ARHGEF10L: variants seen among roughly 807,000 people sequenced by gnomAD.
ARHGEF10L encodes Rho guanine nucleotide exchange factor 10 like.
Under a neutral mutation model 141.2 loss-of-function variants are expected in ARHGEF10L, and 69 were observed. The observed-to-expected ratio is 0.49, with a 90% CI of 0.40 to 0.60. The LOEUF (loss-of-function observed/expected upper bound fraction) is 0.60. Among genes scored for constraint, ARHGEF10L ranks in the 20% least tolerant of loss-of-function variants. The pLI is 0.00. For synonymous variants in ARHGEF10L, 711 were observed against 718.5 expected, an observed-to-expected ratio of 0.99 and a Z score of 0.17; for missense variants, 1,482 against 1,734.3, an observed-to-expected ratio of 0.85 and a Z score of 2.58.
At position 17,639,921 on chromosome 1, in the gene ARHGEF10L, G is replaced by A. The variant is rs1281196225; in HGVS notation, c.2172-281G>A. 5 of 1,459,872 alleles carry A rather than the reference G, an allele frequency of 3.4e-6. No individual in the cohort carries two copies. In the South Asian group the frequency reaches 4.9e-5, roughly 14 times the overall value. 90.4% of individuals were successfully genotyped at this position (1,459,872 alleles called of 1,614,324 possible). On this transcript the variant is annotated intron_variant, in intron 20 of 28. Transcript: ENST00000361221. This position sits in a 1 kb window ranked among gnomAD's most constrained non-coding sequence, Gnocchi z 4.3. ...GTCACAGCCTGCAGAGGCTCTGCCG[G>A]GCACAAAGCCAGAGGCTCCTGGAGC...
chr1:17,674,925 A>G (rs1051916296), intron 26 of ARHGEF10L, among the ~76,000 whole-genome samples: 1 of 152,136 alleles, frequency 6.6e-6, no homozygotes, highest in Non-Finnish European at 1.5e-5. Context: ...AGATCTGTGT[A>G]AGGTCACTCT....
chr1:17,637,850 C>T, intron 18 of ARHGEF10L, 38 bp from the exon 19 acceptor site: 2 of 1,535,670 alleles, frequency 1.3e-6, no homozygotes, highest in Non-Finnish European at 1.8e-6. Context: ...CTTGTTAGCG[C>T]CTTCACCTGT....
At chr1:17,626,429 C>A (rs998275444) in intron 14 of ARHGEF10L, among the ~76,000 whole-genome samples, 1 of 152,010 alleles carries the variant, frequency 6.6e-6, no homozygotes, top group Non-Finnish European at 1.5e-5. Flanking sequence ...GGACATTAGC[C>A]CCACACAGGG....
chr1:17,595,423 G>A (rs974369769), intron 4 of ARHGEF10L, among the ~76,000 whole-genome samples: 1 of 152,084 alleles, frequency 6.6e-6, no homozygotes, highest in Non-Finnish European at 1.5e-5. Context: ...GGAGGCCAGA[G>A]GCTGGGCTTT....
the ARHGEF10L span, among the ~76,000 whole-genome samples, chr1:17,514,707 C>T: frequency 5.3e-5 from 8 of 152,182 alleles, no homozygotes; most frequent in Non-Finnish European, 1.0e-4. Context: ...TTTCATTTTG[C>T]CTTACCTATA....
chr1:17,669,430 C>T (rs567500094), intron 26 of ARHGEF10L, among the ~76,000 whole-genome samples: 1 of 152,304 alleles, frequency 6.6e-6, no homozygotes, highest in Admixed American at 6.5e-5. Context: ...TCAAATCACG[C>T]TTTGAGATGA....
upstream of ARHGEF10L, among the ~76,000 whole-genome samples, chr1:17,535,286 G>A (rs1038543682): frequency 2.0e-5 from 3 of 152,206 alleles, no homozygotes; most frequent in Non-Finnish European, 4.4e-5. Context: ...GATCTGATAG[G>A]AAGCAGAGCT....
At chr1:17,695,899 AAAG>A (rs1378034007) in intron 28 of ARHGEF10L, among the ~76,000 whole-genome samples, 1 of 152,098 alleles carries the variant, frequency 6.6e-6, no homozygotes, top group Non-Finnish European at 1.5e-5. Context: ...TCCTTCTGAT[AAAG>A]AAGAATTGCT....
rs551115042 is a variant in ARHGEF10L, at chr1:17,667,468, C to T, written c.3009+2873C>T. Among the ~76,000 whole-genome samples, 19 of 152,260 alleles carry T rather than the reference C, an allele frequency of 1.2e-4. No individual in the cohort carries two copies. The East Asian group carries it at 2.7e-3, about 22-fold the overall frequency. ...AGTGGGGCCCGAGACAGGAAGAAGC[C>T]GAGAACAGAGAAAGAATGGGATGGG... On this transcript the variant is annotated intron_variant, in intron 26 of 28. Coordinates refer to ENST00000361221, the MANE Select transcript of ARHGEF10L (RefSeq NM_018125.4).
intron 26 of ARHGEF10L, among the ~76,000 whole-genome samples, chr1:17,676,330 C>T (rs750479564): frequency 2.0e-4 from 7 of 35,042 alleles, no homozygotes; most frequent in Non-Finnish European, 3.4e-4. Context: ...TGTATGTTCA[C>T]GTGTGGGTGC....
chr1:17,587,235 CCCTT>C (rs1273631111), intron 2 of ARHGEF10L, among the ~76,000 whole-genome samples: 1 of 152,186 alleles, frequency 6.6e-6, no homozygotes, highest in Non-Finnish European at 1.5e-5. Flanking sequence ...GGAGCACACT[CCCTT>C]CCCTCCCTCA....
chr1:17,526,583 G>A, the ARHGEF10L span, among the ~76,000 whole-genome samples: 3 of 152,124 alleles, frequency 2.0e-5, no homozygotes, highest in Admixed American at 6.6e-5. Context: ...TGGCACCAGG[G>A]TTGCCCCAAC....
intron 1 of ARHGEF10L, among the ~76,000 whole-genome samples, chr1:17,574,202 C>T (rs905876817): frequency 3.9e-5 from 6 of 152,276 alleles, no homozygotes; most frequent in African/African-American, 7.2e-5. Flanking sequence ...CCAGGGGCTC[C>T]GTAGCTGTGT....
chr1:17,597,962 T>G (rs1303362396), intron 4 of ARHGEF10L, among the ~76,000 whole-genome samples: 1 of 152,224 alleles, frequency 6.6e-6, no homozygotes, highest in Non-Finnish European at 1.5e-5. Context: ...TGGTGTTCTC[T>G]TGGTTAAACT....
chr1:17,635,558 G>T (rs1224405275), intron 18 of ARHGEF10L, among the ~76,000 whole-genome samples: 1 of 152,162 alleles, frequency 6.6e-6, no homozygotes, highest in Non-Finnish European at 1.5e-5. Context: ...TGTGCCTTTT[G>T]CCAAGTACTC....
At chr1:17,549,809 T>C (rs2077046453) in intron 1 of ARHGEF10L, among the ~76,000 whole-genome samples, 1 of 152,224 alleles carries the variant, frequency 6.6e-6, no homozygotes. Flanking sequence ...ATTCACCTTT[T>C]TCCAATAATT....
Position 17,695,214 on chromosome 1 carries a change from G to T in ARHGEF10L, c.3241G>T (p.Gly1081Cys). Reference sequence around the variant, plus strand: ...GATCTGCCAGGGTCTGCTCTGGGTGGGCACTGACCAGGGTGTCATCGTCCT... The same window carrying T: ...GATCTGCCAGGGTCTGCTCTGGGTGTGCACTGACCAGGGTGTCATCGTCCT... ...LLICQGLLWV[G>C]TDQGVIVLLP... Residue 1081 changes from glycine to cysteine, a missense_variant, in exon 28 of 29, where the codon GGC becomes TGC. This residue lies in a region of ARHGEF10L where 858 missense variants were observed against 966.3 expected (regional missense o/e 0.89). Coordinates refer to ENST00000361221, the MANE Select transcript of ARHGEF10L (RefSeq NM_018125.4). 6.2e-7 allele frequency: 1 copy of T among 1,612,444 alleles called. No homozygotes were observed.
At chr1:17,585,925 A>C (rs1030675724) in intron 2 of ARHGEF10L, among the ~76,000 whole-genome samples, 2 of 152,132 alleles carry the variant, frequency 1.3e-5, no homozygotes, top group Non-Finnish European at 2.9e-5. Context: ...TGTTGTCATA[A>C]TCCTTACATA....
chr1:17,610,945 T>C (rs1031133114), intron 7 of ARHGEF10L, among the ~76,000 whole-genome samples: 20 of 150,706 alleles, frequency 1.3e-4, no homozygotes, highest in African/African-American at 4.5e-4. Flanking sequence ...CAATCCAGGA[T>C]CTGTGGTTTT....
Sources: gnomAD v4.1 joint callset for allele counts (sites outside exome capture counted in the v4.1 genomes callset) on GRCh38, gnomAD v4.1.1 for gene constraint, gnomAD v4.1.1 regional missense constraint, Gnocchi (gnomAD v3.1) non-coding constraint, MANE v1.5 for transcripts, NCBI Gene and HGNC (gene_info 2026-07-23, HGNC 2026-07-21) for gene names.